Variants in TRH observed in about 807,000 individuals in gnomAD.
TRH encodes TSH-releasing factor.
Under a neutral mutation model 5.2 loss-of-function variants are expected in TRH, and 5 were observed. That is an observed-to-expected ratio of 0.95 (90% confidence interval 0.50 to 2.00). TRH has a LOEUF of 2.00. Ranked by LOEUF, TRH falls within the 30% of genes most tolerant of loss-of-function variation. The pLI is 0.01. For synonymous variants in TRH, 131 were observed against 128.6 expected (o/e 1.02, Z -0.13); for missense variants, 318 against 312.8 (o/e 1.02, Z -0.13).
chr3:129,977,309 T>A lies in TRH; in HGVS notation c.*93T>A. 1 of 1,407,688 alleles carries A rather than the reference T, an allele frequency of 7.1e-7. No individual in the cohort carries two copies. The highest frequency in any genetic ancestry group is 2.5e-5 in the East Asian group (1 of 39,762). 87.2% of individuals were successfully genotyped at this position (1,407,688 alleles called of 1,614,324 possible). A position where few individuals can be genotyped will look rare whatever the true frequency, so the allele number is the denominator to read the frequency against. On this transcript the variant is annotated 3_prime_UTR_variant, in exon 3 of 3. Coordinates refer to ENST00000302649, the MANE Select transcript of TRH (RefSeq NM_007117.5). The stretch of plus-strand genomic sequence containing the variant: ...ATGACCTCTGTATTCTCTAGTTAGA[T>A]CCCTGACCATAAGCCTGAGCCCCTC...
At position 129,977,231 on chromosome 3, in the gene TRH, G is replaced by T. The variant is rs760573335; in HGVS notation, c.*15G>T. On this transcript the variant is annotated 3_prime_UTR_variant, in exon 3 of 3. Coordinates refer to ENST00000302649, the MANE Select transcript of TRH (RefSeq NM_007117.5). Reference sequence around the variant, plus strand: ...TGGAGGAGTGAACCCAGTTTTCCCTGAAGTCGAGTTTGTGGTCTAAGGATG... The same window carrying T: ...TGGAGGAGTGAACCCAGTTTTCCCTTAAGTCGAGTTTGTGGTCTAAGGATG... 1.7e-5 allele frequency: 26 copies of T among 1,514,944 alleles called. No homozygotes were observed. The highest frequency in any genetic ancestry group is 1.8e-5 in the Non-Finnish European group (20 of 1,134,576). The allele number at this position is 1,514,944 out of a possible 1,614,324, so 93.8% of individuals were successfully genotyped here.
intron 2 of TRH, 89 bp from the exon 3 acceptor site, chr3:129,976,610 C>A: frequency 6.9e-7 from 1 of 1,446,234 alleles, no homozygotes; most frequent in Non-Finnish European, 9.3e-7. Flanking sequence ...GGAAATGTAC[C>A]CTGCCTGGGA....
In TRH at chr3:129,977,294, T is replaced by C. The variant is rs2108063309; in HGVS notation, c.*78T>C. The C allele has an allele frequency of 6.9e-7, 1 of 1,450,128 alleles. No individual in the cohort carries two copies. Among genetic ancestry groups the C allele is most frequent in the East Asian group, 2.4e-5 (1 of 41,092 alleles). 89.8% of individuals were successfully genotyped at this position (1,450,128 alleles called of 1,614,324 possible). A position where few individuals can be genotyped will look rare whatever the true frequency, so the allele number is the denominator to read the frequency against. ...TGTGCCCCACCATTCATGACCTCTGTATTCTCTAGTTAGATCCCTGACCAT... is the reference window on the plus strand; with the variant it reads ...TGTGCCCCACCATTCATGACCTCTGCATTCTCTAGTTAGATCCCTGACCAT... On this transcript the variant is annotated 3_prime_UTR_variant, in exon 3 of 3. Coordinates refer to ENST00000302649, the MANE Select transcript of TRH (RefSeq NM_007117.5).
rs1577288438 is a variant in TRH, at chr3:129,976,040, G to A, written c.211+13G>A. 6.2e-7 allele frequency: 1 copy of A among 1,611,860 alleles called. No homozygotes were observed. The highest frequency in any genetic ancestry group is 8.5e-7 in the Non-Finnish European group (1 of 1,178,822). On this transcript the variant is annotated intron_variant, in intron 2 of 2. Coordinates refer to ENST00000302649, the MANE Select transcript of TRH (RefSeq NM_007117.5). ...GGTGAGCACTCCGGTGAGTGGATGG[G>A]GCTGTTGGGGGCTGTGGGGCTAGGC...
At chr3:129,976,600 G>A (rs950097522) in intron 2 of TRH, 99 bp from the exon 3 acceptor site, 2 of 1,386,870 alleles carry the variant, frequency 1.4e-6, no homozygotes, top group Non-Finnish European at 2.0e-6. Context: ...GGGAGCTGCA[G>A]GAAATGTACC....
At chr3:129,975,693 T>C (rs914979437) in intron 1 of TRH, 116 bp from the exon 2 acceptor site, 14 of 1,155,756 alleles carry the variant, frequency 1.2e-5, no homozygotes, top group Middle Eastern at 3.0e-4. Context: ...GCAGTGGTCC[T>C]GCTTCTGGGA....
rs1449590957 is a variant in TRH, at chr3:129,976,861, G to A, written c.374G>A (p.Trp125Ter). The A allele has an allele frequency of 1.2e-6, 2 of 1,613,156 alleles. No homozygotes were observed. Among genetic ancestry groups the A allele is most frequent in the Non-Finnish European group, 8.5e-7 (1 of 1,179,698 alleles). ...HPGRREDEAS[W>*]SVDVTQHKRQ... ...GGCCGACGAGAAGATGAGGCTTCAT[G>A]GTCAGTCGATGTAACCCAGCACAAG... is the stretch of plus-strand genomic sequence containing the variant. The change falls in exon 3 of 3, where the codon TGG becomes TAG. Residue 125 changes from tryptophan (W) to a stop codon, truncating the protein, a stop_gained. Coordinates refer to ENST00000302649, the MANE Select transcript of TRH (RefSeq NM_007117.5). LOFTEE classifies it low-confidence loss of function (END_TRUNC).
In TRH at chr3:129,977,080, G is replaced by A; in HGVS notation, c.593G>A (p.Gly198Glu). 1 of 1,597,936 alleles carries A rather than the reference G, an allele frequency of 6.3e-7. No homozygotes were observed. ...AAGAGGGCCCTGGGAGGCCCCTGTG[G>A]GCCCCAGGGAGCCTATGGTCAAGCG... ...PGKRALGGPC[G>E]PQGAYGQAGL... Residue 198 changes from glycine (G) to glutamate (E), a missense_variant, in exon 3 of 3, where the codon GGG (glycine) becomes GAG (glutamate). Physicochemically the swap from Gly to Glu is moderately conservative, Grantham distance 98. Transcript: ENST00000302649.
In TRH at chr3:129,975,963, G is replaced by A. The variant is rs778198072; in HGVS notation, c.147G>A (p.Val49=). The A allele has an allele frequency of 6.1e-5, 99 of 1,614,014 alleles. 1 individual carries two copies. In the South Asian group the frequency reaches 9.7e-4, roughly 16 times the overall value. Residue 49 remains valine (V), a synonymous_variant, in exon 2 of 3, where the codon GTG becomes GTA. Coordinates refer to ENST00000302649, the MANE Select transcript of TRH (RefSeq NM_007117.5). ...GCCTGGATGACTTCCTGCGCCAGGT[G>A]GAGCGCCTCCTCTTCCTCCGGGAAA... ...HPGLDDFLRQ[V]ERLLFLRENI...
In TRH at chr3:129,977,430, T is replaced by G; in HGVS notation, c.*214T>G. Reference sequence around the variant, plus strand: ...TCAGCCTAGCAGTTTAAACCCCACTTTCCTCCACTTAGCACCATAGGCAAG... The same window carrying G: ...TCAGCCTAGCAGTTTAAACCCCACTGTCCTCCACTTAGCACCATAGGCAAG... On this transcript the variant is annotated 3_prime_UTR_variant, in exon 3 of 3. Coordinates refer to ENST00000302649, the MANE Select transcript of TRH (RefSeq NM_007117.5). 5.9e-6 allele frequency: 3 copies of G among 512,030 alleles called. No individual in the cohort carries two copies. The highest frequency in any genetic ancestry group is 3.4e-5 in the East Asian group (1 of 29,386). 31.7% of individuals were successfully genotyped at this position (512,030 alleles called of 1,614,324 possible).
In TRH at chr3:129,977,320, A is replaced by T. The variant is rs2062551972; in HGVS notation, c.*104A>T. The T allele has an allele frequency of 7.3e-7, 1 of 1,368,954 alleles. No homozygotes were observed. The highest frequency in any genetic ancestry group is 9.5e-7 in the Non-Finnish European group (1 of 1,054,012). 84.8% of individuals were successfully genotyped at this position (1,368,954 alleles called of 1,614,324 possible). On this transcript the variant is annotated 3_prime_UTR_variant, in exon 3 of 3. Coordinates refer to ENST00000302649, the MANE Select transcript of TRH (RefSeq NM_007117.5). Reference sequence around the variant, plus strand: ...ATTCTCTAGTTAGATCCCTGACCATAAGCCTGAGCCCCTCCCTCCCAGCCC... The same window carrying T: ...ATTCTCTAGTTAGATCCCTGACCATTAGCCTGAGCCCCTCCCTCCCAGCCC...
Position 129,977,019 on chromosome 3 carries a change from G to T in TRH, c.532G>T (p.Glu178Ter). The T allele has an allele frequency of 6.2e-7, 1 of 1,613,032 alleles. No homozygotes were observed. Among genetic ancestry groups the T allele is most frequent in the Non-Finnish European group, 8.5e-7 (1 of 1,179,394 alleles). The change falls in exon 3 of 3, where the codon GAA becomes TAA. Residue 178 changes from glutamate to a stop codon, truncating the protein, a stop_gained. Coordinates refer to ENST00000302649, the MANE Select transcript of TRH (RefSeq NM_007117.5). LOFTEE classifies it low-confidence loss of function (END_TRUNC). ...EEEEEEEERE[E>*]DLMPEKRQHP... ...AGAGGAGGAGGAGGAAGAGAGAGAGGAAGACCTGATGCCTGAAAAACGCCA... is the reference window on the plus strand; with the variant it reads ...AGAGGAGGAGGAGGAAGAGAGAGAGTAAGACCTGATGCCTGAAAAACGCCA...
chr3:129,975,810 C>G lies in TRH; in HGVS notation c.-7C>G, dbSNP rs1470867259. On this transcript the variant is annotated splice_region_variant and 5_prime_UTR_variant, in exon 2 of 3. Transcript: ENST00000302649. Reference sequence around the variant, plus strand: ...GGCTCCCTCTGTCCCCTAACCCAGACGCCGCGATGCCCGGCCCTTGGTTGC... The same window carrying G: ...GGCTCCCTCTGTCCCCTAACCCAGAGGCCGCGATGCCCGGCCCTTGGTTGC... 3 of 1,603,666 alleles carry G rather than the reference C, an allele frequency of 1.9e-6. No individual in the cohort carries two copies. Among genetic ancestry groups the G allele is most frequent in the South Asian group, 2.2e-5 (2 of 89,620 alleles).
At chr3:129,976,544 G>C (rs2062544754) in intron 2 of TRH, among the ~76,000 whole-genome samples, 155 bp from the exon 3 acceptor site, 1 of 152,186 alleles carries the variant, frequency 6.6e-6, no homozygotes, top group Non-Finnish European at 1.5e-5. Flanking sequence ...GTGAATGTGT[G>C]TATCTGTGAG....
Position 129,975,970 on chromosome 3 carries a change from C to T in TRH, c.154C>T (p.Leu52Phe). The T allele has an allele frequency of 6.2e-7, 1 of 1,614,180 alleles. No individual in the cohort carries two copies. The highest frequency in any genetic ancestry group is 8.5e-7 in the Non-Finnish European group (1 of 1,180,014). Residue 52 changes from leucine to phenylalanine, a missense_variant, in exon 2 of 3, where the codon CTC becomes TTC. Physicochemically the swap from Leu to Phe is conservative, Grantham distance 22 (BLOSUM62 0). Coordinates refer to ENST00000302649, the MANE Select transcript of TRH (RefSeq NM_007117.5). ...TGACTTCCTGCGCCAGGTGGAGCGCCTCCTCTTCCTCCGGGAAAACATCCA... is the reference window on the plus strand; with the variant it reads ...TGACTTCCTGCGCCAGGTGGAGCGCTTCCTCTTCCTCCGGGAAAACATCCA... Reference protein sequence around the residue: ...LDDFLRQVERLLFLRENIQRL... With the variant: ...LDDFLRQVERFLFLRENIQRL...
chr3:129,974,918 G>A (rs2062533508), intron 1 of TRH, 95 bp downstream of exon 1: 1 of 152,276 alleles, frequency 6.6e-6, no homozygotes, highest in South Asian at 2.1e-4. Flanking sequence ...TTCTCTGAGA[G>A]CTTCCTGGAG....
In TRH at chr3:129,976,775, A is replaced by G; in HGVS notation, c.288A>G (p.Gly96=). The change falls in exon 3 of 3, where the codon GGA becomes GGG. Residue 96 remains glycine, a synonymous_variant. Transcript: ENST00000302649. ...AAAGAGAGGAGGAGGAGGAAGAGGG[A>G]GTTGAAGAAGAGGAAGAGGAAGAAG... is the stretch of plus-strand genomic sequence containing the variant. The part of the protein sequence containing the change: ...PGKREEEEEE[G]VEEEEEEEGG... 2.5e-6 allele frequency: 4 copies of G among 1,613,230 alleles called. No homozygotes were observed. The highest frequency in any genetic ancestry group is 1.7e-5 in the Admixed American group (1 of 59,932).
In TRH at chr3:129,975,789, C is replaced by T; in HGVS notation, c.-8-20C>T. ...TGCTGTGATTCGGTGCGCTCAGGCTCCCTCTGTCCCCTAACCCAGACGCCG... is the reference window on the plus strand; with the variant it reads ...TGCTGTGATTCGGTGCGCTCAGGCTTCCTCTGTCCCCTAACCCAGACGCCG... On this transcript the variant is annotated intron_variant, in intron 1 of 2. Coordinates refer to ENST00000302649, the MANE Select transcript of TRH (RefSeq NM_007117.5). 5 of 1,580,200 alleles carry T rather than the reference C, an allele frequency of 3.2e-6. No homozygotes were observed. Among genetic ancestry groups the T allele is most frequent in the Non-Finnish European group, 4.3e-6 (5 of 1,164,014 alleles).
chr3:129,977,775 G>C lies in TRH; in HGVS notation c.*559G>C, dbSNP rs2062554958. 1.3e-5 allele frequency: 2 copies of C among 152,782 alleles called. No individual in the cohort carries two copies. Among genetic ancestry groups the C allele is most frequent in the African/African-American group, 2.4e-5 (1 of 41,462 alleles). 9.5% of individuals were successfully genotyped at this position (152,782 alleles called of 1,614,324 possible). A position where few individuals can be genotyped will look rare whatever the true frequency, so the allele number is the denominator to read the frequency against. On this transcript the variant is annotated 3_prime_UTR_variant, in exon 3 of 3. Coordinates refer to ENST00000302649, the MANE Select transcript of TRH (RefSeq NM_007117.5). ...TTACTGCTTGGAGAAGCATATGTAG[G>C]GGCATACCCTGTGGTGTTGTGCTGT...
Sources: gnomAD v4.1 joint callset for allele counts (sites outside exome capture counted in the v4.1 genomes callset) on GRCh38, gnomAD v4.1.1 for gene constraint, MANE v1.5 for transcripts, NCBI Gene and HGNC (gene_info 2026-07-23, HGNC 2026-07-21) for gene names.